EXOC6B: variants seen among roughly 807,000 people sequenced by gnomAD.
The protein encoded by EXOC6B is exocyst complex component 6B, also known as SEC15 homolog B.
EXOC6B carries 54 observed loss-of-function variants against 113.5 expected under a neutral mutation model. The ratio of observed to expected loss-of-function variants is 0.48; its 90% CI spans 0.38 to 0.60. EXOC6B has a LOEUF of 0.60. Among genes scored for constraint, EXOC6B ranks in the 20% least tolerant of loss-of-function variants. The pLI is 0.00. For synonymous variants in EXOC6B, 357 were observed against 339.0 expected (o/e 1.05, Z -0.58); for missense variants, 797 against 977.5 (o/e 0.82, Z 2.46).
intron 1 of EXOC6B, among the ~76,000 whole-genome samples, chr2:72,811,451 A>G (rs1452317070): frequency 1.3e-5 from 2 of 152,238 alleles, no homozygotes; most frequent in African/African-American, 4.8e-5. Context: ...AAAATCTTCA[A>G]GCCTAGAAGG....
At chr2:72,338,593 G>T (rs1301269236) in intron 19 of EXOC6B, among the ~76,000 whole-genome samples, 1 of 151,156 alleles carries the variant, frequency 6.6e-6, no homozygotes, top group Non-Finnish European at 1.5e-5. Context: ...GTATAAAATA[G>T]GTATTTTGTA....
chr2:72,186,682 AC>A, intron 20 of EXOC6B, among the ~76,000 whole-genome samples: 1 of 152,274 alleles, frequency 6.6e-6, no homozygotes, highest in South Asian at 2.1e-4. Context: ...ATGGACATAT[AC>A]ATGCATGTAA....
At chr2:72,265,523 G>T (rs971727015) in intron 20 of EXOC6B, among the ~76,000 whole-genome samples, 1 of 150,720 alleles carries the variant, frequency 6.6e-6, no homozygotes, top group Non-Finnish European at 1.5e-5. Flanking sequence ...TTGTCCTTGC[G>T]ATAGTTTACT....
At chr2:72,504,093 A>T (rs1700478657) in intron 11 of EXOC6B, among the ~76,000 whole-genome samples, 1 of 152,008 alleles carries the variant, frequency 6.6e-6, no homozygotes, top group Non-Finnish European at 1.5e-5. Flanking sequence ...TTTTTTTTGT[A>T]GATGGTGTCT....
Position 72,242,068 on chromosome 2 carries a change from G to A in EXOC6B, c.2197-57881C>T, listed in dbSNP as rs940447535. 1.1e-4 allele frequency among the ~76,000 whole-genome samples: 16 copies of A among 152,148 alleles called. No homozygotes were observed. The South Asian group carries it at 2.9e-3, about 28-fold the overall frequency. On this transcript the variant is annotated intron_variant, in intron 20 of 21. Coordinates refer to ENST00000272427, the MANE Select transcript of EXOC6B (RefSeq NM_015189.3). ...AAAATAAAATGAAAATTACCCAGGC[G>A]TAGTGGCACACAGCTGTAGTCCCAG...
chr2:72,254,163 A>C (rs1683202541), intron 20 of EXOC6B, among the ~76,000 whole-genome samples: 1 of 152,172 alleles, frequency 6.6e-6, no homozygotes. Flanking sequence ...CTGTCTCAAA[A>C]AAAAAAAGAT....
chr2:72,758,512 C>G (rs554802953), intron 1 of EXOC6B, among the ~76,000 whole-genome samples: 111 of 152,016 alleles, frequency 7.3e-4, no homozygotes, highest in African/African-American at 2.6e-3. Context: ...AATCTGGTCC[C>G]CCTCCTCTCA....
intron 16 of EXOC6B, among the ~76,000 whole-genome samples, chr2:72,483,603 C>T (rs1031407287): frequency 6.6e-6 from 1 of 152,140 alleles, no homozygotes; most frequent in Non-Finnish European, 1.5e-5. Context: ...CATTGCTGAG[C>T]ATAGAATAGA....
intron 20 of EXOC6B, among the ~76,000 whole-genome samples, chr2:72,294,960 G>C (rs963429014): frequency 3.9e-5 from 6 of 151,948 alleles, no homozygotes; most frequent in South Asian, 4.2e-4. Context: ...TGGCTGGGTG[G>C]GGTGGCTCAC....
At chr2:72,356,947 G>A (rs910047702) in intron 19 of EXOC6B, among the ~76,000 whole-genome samples, 2 of 152,078 alleles carry the variant, frequency 1.3e-5, no homozygotes, top group Admixed American at 6.6e-5. Context: ...AGTGACCAAC[G>A]ATTAACAGGT....
At position 72,741,485 on chromosome 2, in the gene EXOC6B, G is replaced by A. The variant is rs923303955; in HGVS notation, c.114-16C>T. 6 of 1,591,078 alleles carry A rather than the reference G, an allele frequency of 3.8e-6. No individual in the cohort carries two copies. In the African/African-American group the frequency reaches 5.5e-5, roughly 14 times the overall value. ...ATAAACAGACCTTTAAAAAAAAATG[G>A]CACGAAGATTATACCATGGTTACTT... On this transcript the variant is annotated splice_polypyrimidine_tract_variant and intron_variant, in intron 1 of 21. Transcript: ENST00000272427.
chr2:72,674,613 C>T (rs1676154749), intron 6 of EXOC6B, among the ~76,000 whole-genome samples: 1 of 152,082 alleles, frequency 6.6e-6, no homozygotes, highest in African/African-American at 2.4e-5. Flanking sequence ...GGGCGGATCA[C>T]AAGTTCAAGA....
At chr2:72,529,956 G>A (rs1281789054) in intron 8 of EXOC6B, among the ~76,000 whole-genome samples, 2 of 152,050 alleles carry the variant, frequency 1.3e-5, no homozygotes, top group African/African-American at 2.4e-5. Flanking sequence ...CATATCAATA[G>A]TGTCTCTATT....
At chr2:72,648,891 T>G (rs948234699) in intron 6 of EXOC6B, among the ~76,000 whole-genome samples, 1 of 152,130 alleles carries the variant, frequency 6.6e-6, no homozygotes, top group Non-Finnish European at 1.5e-5. Context: ...TGCTTGTAAT[T>G]CCAGCACTTT....
intron 20 of EXOC6B, among the ~76,000 whole-genome samples, chr2:72,297,163 G>A (rs1686187889): frequency 6.6e-6 from 1 of 151,958 alleles, no homozygotes; most frequent in African/African-American, 2.4e-5. Flanking sequence ...GGCAAAGGTG[G>A]GATTTCACAT....
intron 1 of EXOC6B, among the ~76,000 whole-genome samples, chr2:72,799,109 G>A (rs1477055923): frequency 4.6e-5 from 7 of 151,346 alleles, no homozygotes; most frequent in South Asian, 2.1e-4. Context: ...GCATGGTAGC[G>A]CGCTCCTGTT....
chr2:72,773,141 T>TTTTTTTTTTG (rs1182849659), intron 1 of EXOC6B, among the ~76,000 whole-genome samples: 1 of 145,378 alleles, frequency 6.9e-6, no homozygotes, highest in African/African-American at 2.6e-5. Flanking sequence ...TTTTTTTTTT[T>TTTTTTTTTTG]TGTGAGACAG....
chr2:72,389,627 T>C (rs1005391885), intron 18 of EXOC6B, among the ~76,000 whole-genome samples: 5 of 152,122 alleles, frequency 3.3e-5, no homozygotes, highest in African/African-American at 1.2e-4. Flanking sequence ...GTCATTATTA[T>C]ACCTTAATTT....
chr2:72,567,882 TGAAA>T (rs1302022374), intron 7 of EXOC6B, among the ~76,000 whole-genome samples: 2 of 152,048 alleles, frequency 1.3e-5, no homozygotes, highest in Middle Eastern at 3.4e-3. Context: ...CTCATAAATG[TGAAA>T]GAAATGATAA....
Sources: allele counts gnomAD v4.1 joint callset (sites outside exome capture counted in the v4.1 genomes callset), GRCh38; gene constraint gnomAD v4.1.1; transcripts MANE v1.5; gene names NCBI Gene and HGNC (gene_info 2026-07-23, HGNC 2026-07-21).